Variants in AP2B1 observed in about 807,000 individuals in gnomAD.
AP2B1 encodes adaptor related protein complex 2 subunit beta 1, also known as AP-2 complex subunit beta.
Under a neutral mutation model 102.0 loss-of-function variants are expected in AP2B1, and 23 were observed. That is an observed-to-expected ratio of 0.23 (90% CI 0.16 to 0.32). The LOEUF (loss-of-function observed/expected upper bound fraction) is 0.32. AP2B1 is among the 10% of genes least tolerant of loss of function. The probability of loss-of-function intolerance (pLI) is 1.00; values close to 1 mark genes in which losing one functional copy is unlikely to be tolerated. For synonymous variants in AP2B1, 381 were observed against 421.2 expected, an observed-to-expected ratio of 0.90 and a Z score of 1.17; for missense variants, 541 against 1,157.4, an observed-to-expected ratio of 0.47 and a Z score of 7.73.
chr17:35,605,911 G>GT, intron 4 of AP2B1, 71 bp downstream of exon 4: 1 of 1,557,486 alleles, frequency 6.4e-7, no homozygotes, highest in Non-Finnish European at 8.6e-7. Flanking sequence ...CAAGGAAGGA[G>GT]TGTAGGGAAG....
intron 18 of AP2B1, among the ~76,000 whole-genome samples, chr17:35,703,553 A>G (rs954721897): frequency 2.6e-5 from 4 of 152,184 alleles, no homozygotes; most frequent in African/African-American, 9.7e-5. Flanking sequence ...GCTGGAGGCT[A>G]TTATCCTTAG....
In AP2B1 at chr17:35,724,391, C is replaced by T. The variant is rs1233176259; in HGVS notation, c.*692C>T. ...TTGCTCTGCAGTTGGGAACGGTGAT[C>T]TTCTTGAATGATGTTTCAGTGTGCA... is the stretch of plus-strand genomic sequence containing the variant. On this transcript the variant is annotated 3_prime_UTR_variant, in exon 22 of 22. Coordinates refer to ENST00000610402, the MANE Select transcript of AP2B1 (RefSeq NM_001030006.2). 6.6e-6 allele frequency: 1 copy of T among 152,120 alleles called. No individual in the cohort carries two copies. The highest frequency in any genetic ancestry group is 2.4e-5 in the African/African-American group (1 of 41,394). 9.4% of individuals were successfully genotyped at this position (152,120 alleles called of 1,614,324 possible).
intron 9 of AP2B1, among the ~76,000 whole-genome samples, chr17:35,632,342 C>T (rs994682730): frequency 3.3e-5 from 5 of 152,142 alleles, no homozygotes; most frequent in African/African-American, 4.8e-5. Context: ...ACCATGTTGG[C>T]TATGCTGGTC....
chr17:35,704,093 T>C (rs587680499), intron 18 of AP2B1, among the ~76,000 whole-genome samples: 10 of 152,312 alleles, frequency 6.6e-5, no homozygotes, highest in African/African-American at 1.9e-4. Flanking sequence ...AATATCATGC[T>C]CTTTAAAGCT....
chr17:35,643,098 G>A (rs989234291), intron 12 of AP2B1, among the ~76,000 whole-genome samples: 18 of 143,984 alleles, frequency 1.3e-4, no homozygotes, highest in African/African-American at 4.4e-4. Flanking sequence ...CCAGTCTTTT[G>A]GCTTCCCTGG....
chr17:35,662,127 A>G (rs965756075), intron 14 of AP2B1, among the ~76,000 whole-genome samples: 5 of 152,252 alleles, frequency 3.3e-5, no homozygotes, highest in Non-Finnish European at 5.9e-5. Flanking sequence ...ATATAAAGAA[A>G]GTAAACATAC....
intron 18 of AP2B1, among the ~76,000 whole-genome samples, chr17:35,687,707 C>T (rs587638454): frequency 1.4e-3 from 207 of 152,000 alleles, no homozygotes; most frequent in African/African-American, 4.6e-3. Context: ...TGTGTCACCA[C>T]GCCTAGCTAA....
intron 3 of AP2B1, among the ~76,000 whole-genome samples, chr17:35,605,064 C>T (rs2073622660): frequency 6.6e-6 from 1 of 151,922 alleles, no homozygotes; most frequent in Non-Finnish European, 1.5e-5. Context: ...ACCACCACAC[C>T]TAGCTTTTTA....
At chr17:35,690,506 C>G (rs1214321339) in intron 18 of AP2B1, among the ~76,000 whole-genome samples, 1 of 152,190 alleles carries the variant, frequency 6.6e-6, no homozygotes, top group Non-Finnish European at 1.5e-5. Context: ...CTATTTTATC[C>G]TCTCTAAAAG....
chr17:35,591,578 A>G (rs2073102871), intron 1 of AP2B1, among the ~76,000 whole-genome samples: 1 of 152,254 alleles, frequency 6.6e-6, no homozygotes, highest in Non-Finnish European at 1.5e-5. Flanking sequence ...TAAAGGACAT[A>G]GCATAGCATA....
chr17:35,596,955 A>T (rs2073306951), intron 2 of AP2B1: 27 of 686,380 alleles, frequency 3.9e-5, no homozygotes, highest in South Asian at 3.4e-4. Flanking sequence ...TGGAACCAGG[A>T]GAAGAAAGCT....
chr17:35,715,384 C>T (rs76475180), intron 20 of AP2B1, among the ~76,000 whole-genome samples: 2,597 of 152,324 alleles, frequency 0.017, 40 homozygotes, highest in Non-Finnish European at 0.025. Flanking sequence ...ATGATTATTT[C>T]TGTAGGAATC....
At chr17:35,684,205 TA>T (rs2075883335) in intron 18 of AP2B1, among the ~76,000 whole-genome samples, 1 of 152,082 alleles carries the variant, frequency 6.6e-6, no homozygotes, top group African/African-American at 2.4e-5. Flanking sequence ...GAGAGAAAGA[TA>T]CACTGTGAAG....
chr17:35,660,071 G>A, intron 14 of AP2B1: 1 of 985,116 alleles, frequency 1.0e-6, no homozygotes, highest in East Asian at 1.1e-4. Flanking sequence ...ATGCATCCTT[G>A]CCTTACAGAG....
At chr17:35,596,918 C>T in intron 2 of AP2B1, 1 of 706,580 alleles carries the variant, frequency 1.4e-6, no homozygotes, top group Non-Finnish European at 2.6e-6. Context: ...GGAGATAACC[C>T]CGATGCCCTA....
chr17:35,703,305 T>C (rs2076276496), intron 18 of AP2B1, among the ~76,000 whole-genome samples: 1 of 121,330 alleles, frequency 8.2e-6, no homozygotes, highest in African/African-American at 3.1e-5. Context: ...GAAATACCAC[T>C]CGACTCAGCA....
chr17:35,641,009 T>G (rs1471816113), intron 11 of AP2B1, among the ~76,000 whole-genome samples: 1 of 152,220 alleles, frequency 6.6e-6, no homozygotes, highest in Non-Finnish European at 1.5e-5. Flanking sequence ...TTGGCATTTG[T>G]ACTCAAAGCA....
rs752414543 is a variant in AP2B1, at chr17:35,624,519, A to G, written c.648A>G (p.Glu216=). Residue 216 remains glutamate, a synonymous_variant, in exon 6 of 22, where the codon GAA becomes GAG. Transcript: ENST00000610402. ...KLLTALNECT[E]WGQIFILDCL... Reference sequence around the variant, plus strand: ...TGACAGCCCTGAATGAATGCACTGAATGGGGCCAGATTTTCATCCTGGACT... The same window carrying G: ...TGACAGCCCTGAATGAATGCACTGAGTGGGGCCAGATTTTCATCCTGGACT... The G allele has an allele frequency of 6.2e-7, 1 of 1,614,198 alleles. No individual in the cohort carries two copies. Among genetic ancestry groups the G allele is most frequent in the Admixed American group, 1.7e-5 (1 of 60,030 alleles).
chr17:35,686,618 G>A (rs1219158634), intron 18 of AP2B1, among the ~76,000 whole-genome samples: 2 of 152,090 alleles, frequency 1.3e-5, no homozygotes, highest in African/African-American at 4.8e-5. Flanking sequence ...ATTCTTTCAA[G>A]TTTTCAGGAT....
Sources: allele counts gnomAD v4.1 joint callset (sites outside exome capture counted in the v4.1 genomes callset), GRCh38; gene constraint gnomAD v4.1.1; transcripts MANE v1.5; gene names NCBI Gene and HGNC (gene_info 2026-07-23, HGNC 2026-07-21).